The following EYS variants were observed in gnomAD, a reference collection of about 807,000 sequenced individuals.
EYS encodes the protein protein eyes shut homolog.
Under a neutral mutation model 282.1 loss-of-function variants are expected in EYS, and 250 were observed. The ratio of observed to expected loss-of-function variants is 0.89; its 90% CI spans 0.80 to 0.98. EYS has a LOEUF of 0.98. EYS is among the 50% of genes least tolerant of loss of function. The pLI, the probability that EYS is intolerant of heterozygous loss-of-function variation, is 0.00. For synonymous variants in EYS, 1,355 were observed against 1,282.9 expected (o/e 1.06, Z -1.20); for missense variants, 4,016 against 3,709.0 (o/e 1.08, Z -2.15).
chr6:64,615,965 G>T (rs1767260800), intron 24 of EYS, among the ~76,000 whole-genome samples: 1 of 151,822 alleles, frequency 6.6e-6, no homozygotes. Flanking sequence ...CTTCAGATTT[G>T]ATTTTTTTAT....
At chr6:63,756,940 C>T (rs2149652253) in intron 41 of EYS, among the ~76,000 whole-genome samples, 1 of 152,154 alleles carries the variant, frequency 6.6e-6, no homozygotes, top group South Asian at 2.1e-4. Flanking sequence ...CACCTCAGGA[C>T]CACTATTGTG....
At chr6:64,792,518 G>GA (rs2150001424) in intron 22 of EYS, among the ~76,000 whole-genome samples, 2 of 152,068 alleles carry the variant, frequency 1.3e-5, no homozygotes, top group Middle Eastern at 3.4e-3. Flanking sequence ...ACCAAGCTGT[G>GA]AAGAGTTAAT....
chr6:63,739,720 G>A (rs1334087222), intron 41 of EYS, among the ~76,000 whole-genome samples: 2 of 152,042 alleles, frequency 1.3e-5, no homozygotes, highest in Admixed American at 1.3e-4. Context: ...CCAAGACAGA[G>A]TCTTGCTCTG....
At chr6:65,029,153 T>C (rs1320847205) in intron 13 of EYS, among the ~76,000 whole-genome samples, 2 of 152,170 alleles carry the variant, frequency 1.3e-5, no homozygotes, top group Non-Finnish European at 2.9e-5. Context: ...ATTTAAGGTT[T>C]CTCTTTTAAC....
At position 65,397,583 on chromosome 6, in the gene EYS, GGTGTGTGTGTGTGTGTGT is replaced by G. The variant is rs58522364; in HGVS notation, c.1184+4877_1184+4894del. Among the ~76,000 whole-genome samples the G allele has an allele frequency of 8.9e-4, 123 of 138,286 alleles. 2 individuals are homozygous for G. The highest frequency in any genetic ancestry group is 8.3e-3 in the South Asian group (34 of 4,118). The allele number at this position is 138,286 out of a possible 152,430, so 90.7% of individuals were successfully genotyped here. ...TTTGGGTGGCTAAGTTGTATTTCATGGTGTGTGTGTGTGTGTGTGTGTGTGTGTGTGTGTGTGTGTGTG... is the reference window on the plus strand; with the variant it reads ...TTTGGGTGGCTAAGTTGTATTTCATGGTGTGTGTGTGTGTGTGTGTGTGTG... On this transcript the variant is annotated intron_variant, in intron 7 of 42. Coordinates refer to ENST00000503581, the MANE Select transcript of EYS (RefSeq NM_001142800.2).
intron 12 of EYS, among the ~76,000 whole-genome samples, chr6:65,122,539 C>T (rs764901833): frequency 1.3e-4 from 19 of 151,890 alleles, no homozygotes; most frequent in Non-Finnish European, 1.9e-4. Flanking sequence ...TTTTGAAATT[C>T]GTACTGTTTA....
chr6:63,939,202 C>G (rs1765160865), intron 35 of EYS, among the ~76,000 whole-genome samples: 1 of 151,224 alleles, frequency 6.6e-6, no homozygotes, highest in Non-Finnish European at 1.5e-5. Context: ...AAAGCCTTTT[C>G]AAGCTCAGTA....
chr6:65,556,203 G>A (rs2127339302), intron 2 of EYS, among the ~76,000 whole-genome samples: 1 of 152,260 alleles, frequency 6.6e-6, no homozygotes, highest in South Asian at 2.1e-4. Context: ...GGGTGCAGTG[G>A]CACACACCTG....
chr6:65,110,209 C>A (rs1775175521), intron 12 of EYS, among the ~76,000 whole-genome samples: 1 of 152,056 alleles, frequency 6.6e-6, no homozygotes, highest in East Asian at 1.9e-4. Context: ...TTGCAAAATT[C>A]TGTTCTCTTT....
At chr6:64,903,533 T>C (rs765748227) in intron 16 of EYS, among the ~76,000 whole-genome samples, 2 of 152,188 alleles carry the variant, frequency 1.3e-5, no homozygotes, top group Non-Finnish European at 2.9e-5. Flanking sequence ...ATCCTTCTCA[T>C]ATCACTTTTT....
At chr6:65,622,162 G>A (rs1391308658) in intron 2 of EYS, among the ~76,000 whole-genome samples, 2 of 152,034 alleles carry the variant, frequency 1.3e-5, no homozygotes, top group Non-Finnish European at 1.5e-5. Flanking sequence ...TTCTCTCTGG[G>A]GCTCACTCTT....
chr6:64,617,316 T>G, intron 24 of EYS, 102 bp downstream of exon 24: 1 of 765,232 alleles, frequency 1.3e-6, no homozygotes, highest in Admixed American at 2.2e-5. Context: ...CGCTGAAGAT[T>G]AACTACTCCG....
In EYS at chr6:65,262,683, T is replaced by G. The variant is rs949493771; in HGVS notation, c.2023+33180A>C. Among the ~76,000 whole-genome samples the G allele has an allele frequency of 2.0e-4, 30 of 152,226 alleles. 1 individual carries two copies. Among genetic ancestry groups the G allele is most frequent in the African/African-American group, 7.2e-4 (30 of 41,566 alleles). The stretch of plus-strand genomic sequence containing the variant: ...CAACAATAACACATTTATGTATTAG[T>G]TTTTCAACCATGGGCAAAACACCAG... On this transcript the variant is annotated intron_variant, in intron 12 of 42. Transcript: ENST00000503581.
chr6:63,744,472 G>A (rs1280005985), intron 41 of EYS: 1 of 151,988 alleles, frequency 6.6e-6, no homozygotes, highest in Non-Finnish European at 1.5e-5. Context: ...ACCAAGTGAT[G>A]GTGTTCCCAC....
intron 26 of EYS, among the ~76,000 whole-genome samples, chr6:64,524,604 T>C (rs563501366): frequency 1.3e-5 from 2 of 152,032 alleles, no homozygotes; most frequent in Admixed American, 6.6e-5. Flanking sequence ...TTTTTATAGT[T>C]TTGGGTTTTC....
At chr6:65,337,964 T>A (rs1770050096) in intron 10 of EYS, among the ~76,000 whole-genome samples, 1 of 151,060 alleles carries the variant, frequency 6.6e-6, no homozygotes, top group African/African-American at 2.4e-5. Flanking sequence ...TCAAAATAAT[T>A]ATTACTGGGA....
chr6:64,320,957 A>G, intron 29 of EYS, among the ~76,000 whole-genome samples: 1 of 151,782 alleles, frequency 6.6e-6, no homozygotes, highest in East Asian at 1.9e-4. Context: ...CATGGCTTAT[A>G]ATAATGGAAT....
At chr6:64,487,622 A>G (rs1052894780) in intron 26 of EYS, among the ~76,000 whole-genome samples, 11 of 151,032 alleles carry the variant, frequency 7.3e-5, no homozygotes, top group Non-Finnish European at 1.3e-4. Context: ...CATTTATTTT[A>G]AAACTATAAG....
chr6:64,649,650 T>C (rs561298988), intron 22 of EYS, among the ~76,000 whole-genome samples: 25 of 152,316 alleles, frequency 1.6e-4, no homozygotes, highest in Middle Eastern at 3.4e-3. Context: ...CTGCTTTCTT[T>C]TTATAGAAAT....
Sources: gnomAD v4.1 joint callset for allele counts (sites outside exome capture counted in the v4.1 genomes callset) on GRCh38, gnomAD v4.1.1 for gene constraint, MANE v1.5 for transcripts, NCBI Gene and HGNC (gene_info 2026-07-23, HGNC 2026-07-21) for gene names.